Variants in SIK3 observed in about 807,000 individuals in gnomAD.
SIK3 encodes the protein serine/threonine-protein kinase SIK3.
A neutral mutation model predicts 144.2 loss-of-function variants in SIK3; 28 were observed. The observed-to-expected ratio is 0.19, with a 90% CI of 0.14 to 0.27. The LOEUF (loss-of-function observed/expected upper bound fraction) is 0.27. Ranked by LOEUF, SIK3 falls within the 10% of genes least tolerant of loss-of-function variation. SIK3 has a pLI of 1.00. For synonymous variants in SIK3, 686 were observed against 676.3 expected (o/e 1.01, Z -0.22); for missense variants, 1,319 against 1,776.0 (o/e 0.74, Z 4.62).
chr11:116,938,805 C>T (rs923989284), intron 3 of SIK3, among the ~76,000 whole-genome samples: 9 of 152,116 alleles, frequency 5.9e-5, no homozygotes, highest in African/African-American at 7.2e-5. Flanking sequence ...CAGGAGTCAG[C>T]CTGAAGAGGC....
At chr11:117,033,684 G>C (rs1205123385) in intron 1 of SIK3, among the ~76,000 whole-genome samples, 1 of 146,596 alleles carries the variant, frequency 6.8e-6, no homozygotes, top group Non-Finnish European at 1.5e-5. Context: ...ACTCCAGTCT[G>C]GGGGGAAAGA....
intron 1 of SIK3, among the ~76,000 whole-genome samples, chr11:117,064,183 T>A (rs1217263595): frequency 1.3e-5 from 2 of 152,118 alleles, no homozygotes; most frequent in African/African-American, 4.8e-5. Context: ...TTAAACTTGA[T>A]CCTGAGTATA....
chr11:116,898,188 T>A (rs1004369802), intron 4 of SIK3, among the ~76,000 whole-genome samples: 2 of 151,182 alleles, frequency 1.3e-5, no homozygotes, highest in Non-Finnish European at 2.9e-5. Flanking sequence ...TGTGTTCTCA[T>A]TGTTCAATTC....
At chr11:117,062,568 A>G (rs915486502) in intron 1 of SIK3, among the ~76,000 whole-genome samples, 13 of 152,350 alleles carry the variant, frequency 8.5e-5, no homozygotes, top group Non-Finnish European at 1.6e-4. Flanking sequence ...GCAATTGTTT[A>G]AAAGTAATTG....
At chr11:116,935,015 G>C (rs1375919963) in intron 3 of SIK3, among the ~76,000 whole-genome samples, 1 of 152,096 alleles carries the variant, frequency 6.6e-6, no homozygotes, top group Non-Finnish European at 1.5e-5. Context: ...AACCTGGAAA[G>C]CAGAGTTTGC....
At chr11:116,939,640 G>A (rs1300875154) in intron 3 of SIK3, among the ~76,000 whole-genome samples, 1 of 152,128 alleles carries the variant, frequency 6.6e-6, no homozygotes, top group Non-Finnish European at 1.5e-5. Flanking sequence ...AAAAAACTAT[G>A]GAGCACTCCT....
chr11:117,023,576 T>G (rs1428433164), intron 1 of SIK3, among the ~76,000 whole-genome samples: 1 of 122,814 alleles, frequency 8.1e-6, no homozygotes, highest in Non-Finnish European at 1.6e-5. Context: ...CAGCTAATAT[T>G]CTTAAAAACA....
At chr11:116,942,531 C>A (rs969966007) in intron 3 of SIK3, among the ~76,000 whole-genome samples, 1 of 152,030 alleles carries the variant, frequency 6.6e-6, no homozygotes, top group African/African-American at 2.4e-5. Context: ...TAAAGCAAGA[C>A]AGAGACTACA....
In SIK3 at chr11:116,915,100, A is replaced by T. The variant is rs144628230; in HGVS notation, c.616+12119T>A. Among the ~76,000 whole-genome samples the T allele has an allele frequency of 2.0e-5, 3 of 148,168 alleles. No homozygotes were observed. In the East Asian group the frequency reaches 6.1e-4, roughly 30 times the overall value. ...AAAAGTATTTATTTAAAATTGATAT[A>T]TCATGTTTAGTAGGAAGCCATATAT... On this transcript the variant is annotated intron_variant, in intron 4 of 24. Transcript: ENST00000445177.
intron 6 of SIK3, among the ~76,000 whole-genome samples, chr11:116,888,959 A>G (rs1299005016): frequency 1.3e-5 from 2 of 152,204 alleles, no homozygotes; most frequent in Non-Finnish European, 2.9e-5. Context: ...AGGGTTCAGT[A>G]AGAATCTCTT....
At position 117,047,209 on chromosome 11, in the gene SIK3, CAT is replaced by C. The variant is rs142028451; in HGVS notation, c.273+50932_273+50933del. On this transcript the variant is annotated intron_variant, in intron 1 of 24. Transcript: ENST00000445177. ...AATGTTACAAATTTTGAGAACTAAA[CAT>C]AAAAAGTAATTTCCTTTTTTGGAGA... 7.6e-3 allele frequency among the ~76,000 whole-genome samples: 1,161 copies of C among 152,292 alleles called. 14 individuals are homozygous for C. Among genetic ancestry groups the C allele is most frequent in the African/African-American group, 0.024 (995 of 41,564 alleles).
intron 3 of SIK3, among the ~76,000 whole-genome samples, chr11:116,948,286 AT>A (rs901437963): frequency 6.8e-5 from 10 of 146,764 alleles, no homozygotes; most frequent in East Asian, 2.0e-4. Context: ...AATCATTTTT[AT>A]TTTTTTTTAA....
chr11:116,858,454 G>A lies in SIK3; in HGVS notation c.3011C>T (p.Pro1004Leu), dbSNP rs146000918. 37 of 1,605,064 alleles carry A rather than the reference G, an allele frequency of 2.3e-5. No homozygotes were observed. In the Middle Eastern group the frequency reaches 6.6e-4, roughly 29 times the overall value. Residue 1004 changes from proline (P) to leucine (L), a missense_variant, in exon 21 of 25, where the codon CCG becomes CTG. By Grantham distance (98) the Pro-to-Leu change is moderately conservative. Transcript: ENST00000445177. The surrounding 1 kb of genome is among the most constrained non-coding windows in gnomAD (Gnocchi z 5.4). ...CTGCTGGTGTCTTGTATAGTCTGGC[G>A]GCGTGGGAGACAGCAGGGCCTGCTG... ...ALQQALLSPTPPDYTRHQQVP... is the reference protein window; with the variant it reads ...ALQQALLSPTLPDYTRHQQVP...
At chr11:117,006,225 C>T (rs1051287743) in intron 1 of SIK3, among the ~76,000 whole-genome samples, 1 of 152,140 alleles carries the variant, frequency 6.6e-6, no homozygotes, top group Non-Finnish European at 1.5e-5. Context: ...ACCTCTACCA[C>T]AATACATTGA....
intron 1 of SIK3, among the ~76,000 whole-genome samples, chr11:116,965,051 G>A (rs1949478300): frequency 6.6e-6 from 1 of 152,108 alleles, no homozygotes; most frequent in African/African-American, 2.4e-5. Flanking sequence ...ACTGAAAGTG[G>A]GAAAATAAGT....
At chr11:117,023,619 A>ATATAT (rs374740569) in intron 1 of SIK3, among the ~76,000 whole-genome samples, 37 of 99,798 alleles carry the variant, frequency 3.7e-4, no homozygotes, top group South Asian at 1.5e-3. Context: ...CAAAAAAAAA[A>ATATAT]AAATATATAT....
intron 6 of SIK3, among the ~76,000 whole-genome samples, chr11:116,878,299 T>C (rs1051824470): frequency 3.3e-5 from 5 of 152,152 alleles, no homozygotes; most frequent in Admixed American, 6.5e-5. Flanking sequence ...CCACTTTGCC[T>C]GTAACTCTCC....
At chr11:116,956,485 A>G (rs1241628784) in intron 2 of SIK3, among the ~76,000 whole-genome samples, 2 of 152,206 alleles carry the variant, frequency 1.3e-5, no homozygotes, top group African/African-American at 4.8e-5. Flanking sequence ...TGATTGATCC[A>G]AGAAGCAGTC....
intron 3 of SIK3, among the ~76,000 whole-genome samples, chr11:116,929,096 G>A (rs894110407): frequency 2.6e-5 from 4 of 152,158 alleles, no homozygotes; most frequent in Admixed American, 2.0e-4. Context: ...ACTAGGGAGA[G>A]TAACTTAACA....
Sources: gnomAD v4.1 joint callset for allele counts (sites outside exome capture counted in the v4.1 genomes callset) on GRCh38, gnomAD v4.1.1 for gene constraint, Gnocchi (gnomAD v3.1) non-coding constraint, MANE v1.5 for transcripts, NCBI Gene and HGNC (gene_info 2026-07-23, HGNC 2026-07-21) for gene names.